Variants in FSTL5 observed in about 807,000 individuals in gnomAD.
The protein encoded by FSTL5 is follistatin like 5, also known as follistatin-related protein 5.
Under a neutral mutation model 89.1 loss-of-function variants are expected in FSTL5, and 62 were observed. The ratio of observed to expected loss-of-function variants is 0.70; its 90% CI spans 0.57 to 0.86. The LOEUF is 0.86. FSTL5 is among the 40% of genes least tolerant of loss of function. The probability of loss-of-function intolerance (pLI) is 0.00; values close to 1 mark genes in which losing one functional copy is unlikely to be tolerated. For missense variants in FSTL5, 1,057 were observed against 1,001.6 expected (o/e 1.06, Z -0.75); for synonymous variants, 383 against 346.2 (o/e 1.11, Z -1.18).
chr4:162,042,926 T>C (rs1269630451), intron 2 of FSTL5, among the ~76,000 whole-genome samples: 2 of 123,598 alleles, frequency 1.6e-5, no homozygotes, highest in East Asian at 5.0e-4. Context: ...AAGGGGAATA[T>C]TACACTCTGG....
intron 7 of FSTL5, among the ~76,000 whole-genome samples, chr4:161,590,679 T>C (rs1439816811): frequency 6.6e-6 from 1 of 152,148 alleles, no homozygotes; most frequent in Non-Finnish European, 1.5e-5. Context: ...GATATGCAAA[T>C]AAAAACCTCA....
At chr4:161,722,187 CAAT>C (rs996018243) in intron 6 of FSTL5, among the ~76,000 whole-genome samples, 9 of 152,214 alleles carry the variant, frequency 5.9e-5, no homozygotes, top group East Asian at 3.9e-4. Context: ...TTCATCCTCT[CAAT>C]GATGTGAAAA....
At chr4:161,780,274 AT>A (rs1741616782) in intron 4 of FSTL5, among the ~76,000 whole-genome samples, 1 of 151,844 alleles carries the variant, frequency 6.6e-6, no homozygotes, top group South Asian at 2.1e-4. Flanking sequence ...AAGAAGAGAC[AT>A]TTAGAAATTG....
intron 4 of FSTL5, among the ~76,000 whole-genome samples, chr4:161,909,954 G>C (rs536865390): frequency 7.0e-4 from 107 of 152,228 alleles, no homozygotes; most frequent in Non-Finnish European, 1.1e-3. Flanking sequence ...TCAAGAGGAA[G>C]AAGTGAATGG....
At chr4:161,473,701 G>A (rs992211465) in intron 13 of FSTL5, among the ~76,000 whole-genome samples, 4 of 152,058 alleles carry the variant, frequency 2.6e-5, no homozygotes. Flanking sequence ...CAAAGTGCTG[G>A]TTTTAGAAGT....
intron 10 of FSTL5, among the ~76,000 whole-genome samples, chr4:161,521,553 A>G (rs1731022315): frequency 6.6e-6 from 1 of 152,118 alleles, no homozygotes; most frequent in African/African-American, 2.4e-5. Context: ...AAGCCTGGTT[A>G]AAGAAAAACT....
At chr4:162,075,088 G>T (rs1315019165) in intron 2 of FSTL5, among the ~76,000 whole-genome samples, 1 of 151,706 alleles carries the variant, frequency 6.6e-6, no homozygotes, top group African/African-American at 2.4e-5. Flanking sequence ...AAACCCAGGG[G>T]AAGTTATTAA....
At chr4:161,537,038 T>C (rs1023630247) in intron 10 of FSTL5, among the ~76,000 whole-genome samples, 1 of 152,130 alleles carries the variant, frequency 6.6e-6, no homozygotes, top group African/African-American at 2.4e-5. Context: ...AAGACTTTCC[T>C]TCTTAAATAT....
intron 3 of FSTL5, among the ~76,000 whole-genome samples, chr4:161,923,037 A>G (rs1294865518): frequency 1.3e-5 from 2 of 151,952 alleles, no homozygotes; most frequent in Non-Finnish European, 2.9e-5. Flanking sequence ...TGTTATAACA[A>G]ATAACCAGGT....
At chr4:162,102,820 CT>C (rs1337250071) in intron 2 of FSTL5, among the ~76,000 whole-genome samples, 1 of 144,188 alleles carries the variant, frequency 6.9e-6, no homozygotes, top group Admixed American at 7.0e-5. Flanking sequence ...ACAAGCTTGG[CT>C]TTAATATACT....
At chr4:162,044,924 G>C (rs956721014) in intron 2 of FSTL5, among the ~76,000 whole-genome samples, 2 of 152,136 alleles carry the variant, frequency 1.3e-5, no homozygotes, top group Non-Finnish European at 2.9e-5. Flanking sequence ...CTTTGGCTTG[G>C]GGGGAGGTTG....
At chr4:162,050,955 A>G (rs974840781) in intron 2 of FSTL5, among the ~76,000 whole-genome samples, 1 of 151,578 alleles carries the variant, frequency 6.6e-6, no homozygotes, top group African/African-American at 2.4e-5. Context: ...AGAGAAATAA[A>G]ACCTAATGTA....
chr4:161,774,415 G>T (rs1741322806), intron 5 of FSTL5, among the ~76,000 whole-genome samples: 1 of 152,134 alleles, frequency 6.6e-6, no homozygotes. Flanking sequence ...CACACAGTTT[G>T]TGGTATTTTC....
intron 1 of FSTL5, among the ~76,000 whole-genome samples, chr4:162,136,303 A>T (rs1204846522): frequency 6.6e-6 from 1 of 152,106 alleles, no homozygotes; most frequent in Non-Finnish European, 1.5e-5. Context: ...ACTGTAAGGG[A>T]TGATGAGAAC....
At chr4:161,447,120 A>G (rs1460605290) in intron 15 of FSTL5, among the ~76,000 whole-genome samples, 1 of 152,048 alleles carries the variant, frequency 6.6e-6, no homozygotes, top group Non-Finnish European at 1.5e-5. Context: ...TTTACTTTGC[A>G]TAATAAAACT....
chr4:161,848,198 T>C (rs1731437687), intron 4 of FSTL5, among the ~76,000 whole-genome samples: 1 of 152,142 alleles, frequency 6.6e-6, no homozygotes, highest in African/African-American at 2.4e-5. Context: ...ATGTATGATT[T>C]TCCACAAATA....
At chr4:161,777,030 G>A (rs912631859) in intron 4 of FSTL5, among the ~76,000 whole-genome samples, 10 of 151,418 alleles carry the variant, frequency 6.6e-5, no homozygotes, top group Non-Finnish European at 1.2e-4. Context: ...CATCACCCCC[G>A]CCACTATCTT....
At chr4:162,016,967 C>A (rs563704161) in intron 3 of FSTL5, among the ~76,000 whole-genome samples, 2 of 152,146 alleles carry the variant, frequency 1.3e-5, no homozygotes, top group Admixed American at 6.6e-5. Context: ...CGAAGTCCTA[C>A]AACTGTCCTG....
rs567683245 is a variant in FSTL5 at position 161,428,242 on chromosome 4, C to T, written c.1841+26762G>A. 5.3e-3 allele frequency among the ~76,000 whole-genome samples: 812 copies of T among 152,310 alleles called. 8 individuals carry two copies. The highest frequency in any genetic ancestry group is 8.3e-3 in the Non-Finnish European group (565 of 68,024). ...CTTGAGTTTCCACAAATCTCACCCC[C>T]ACGGGCTAAAGGGCTCCGGGGTCCT... On this transcript the variant is annotated intron_variant, in intron 15 of 15. Transcript: ENST00000306100.
Sources: gnomAD v4.1 joint callset for allele counts (sites outside exome capture counted in the v4.1 genomes callset) on GRCh38, gnomAD v4.1.1 for gene constraint, MANE v1.5 for transcripts, NCBI Gene and HGNC (gene_info 2026-07-23, HGNC 2026-07-21) for gene names.